Variants in ZNF469 observed in about 807,000 individuals in gnomAD.
The protein encoded by ZNF469 is zinc finger protein 469.
A neutral mutation model predicts 1.0 loss-of-function variants in ZNF469; 1 was observed. That is an observed-to-expected ratio of 1.00 (90% CI 0.35 to 4.73). The LOEUF (loss-of-function observed/expected upper bound fraction) is 4.73, where lower values mean the gene tolerates loss of function less well. ZNF469 is among the 30% of genes most tolerant of loss of function. The pLI, the probability that ZNF469 is intolerant of heterozygous loss-of-function variation, is 0.16. For synonymous variants in ZNF469, 2,703 were observed against 2,363.4 expected (o/e 1.14, Z -4.17); for missense variants, 6,100 against 5,356.3 (o/e 1.14, Z -4.33).
At position 88,434,319 on chromosome 16, in the gene ZNF469, C is replaced by A. The variant is rs1225598299; in HGVS notation, c.6849C>A (p.Val2283=). Residue 2283 remains valine, a synonymous_variant, in exon 3 of 3, where the codon GTC becomes GTA. Transcript: ENST00000565624. The part of the protein sequence containing the change: ...LAGAVSPSVA[V]RATGLSSTPT... The stretch of plus-strand genomic sequence containing the variant: ...GGGCCGTCTCCCCCAGCGTGGCCGT[C>A]AGGGCTACTGGCCTGTCCAGCACTC... 5.8e-6 allele frequency: 9 copies of A among 1,550,230 alleles called. No homozygotes were observed. The highest frequency in any genetic ancestry group is 7.8e-6 in the Non-Finnish European group (9 of 1,146,968).
At chr16:88,257,943 G>A in the ZNF469 span, among the ~76,000 whole-genome samples, 4 of 152,290 alleles carry the variant, frequency 2.6e-5, no homozygotes, top group Admixed American at 6.5e-5. Flanking sequence ...TAGAATGTGC[G>A]TCCAGAAGCT....
At chr16:88,366,530 T>A in the ZNF469 span, among the ~76,000 whole-genome samples, 25 of 139,332 alleles carry the variant, frequency 1.8e-4, no homozygotes, top group East Asian at 1.3e-3. Flanking sequence ...ATCACCATCA[T>A]CATCATCACC....
At chr16:88,319,755 C>T in the ZNF469 span, among the ~76,000 whole-genome samples, 6 of 152,236 alleles carry the variant, frequency 3.9e-5, no homozygotes, top group African/African-American at 1.4e-4. Context: ...GGTCAGGAGC[C>T]GGCCCCCAGG....
the ZNF469 span, among the ~76,000 whole-genome samples, chr16:88,321,604 T>C: frequency 6.6e-6 from 1 of 150,472 alleles, no homozygotes; most frequent in African/African-American, 2.5e-5. Flanking sequence ...ACCTGATTGG[T>C]GTGGCCTCAG....
the ZNF469 span, among the ~76,000 whole-genome samples, chr16:88,256,998 G>T: frequency 1.4e-5 from 2 of 144,628 alleles, no homozygotes; most frequent in Admixed American, 7.3e-5. Context: ...GCCCATGCTG[G>T]ACTGCAGTGG....
At chr16:88,136,369 C>T in the ZNF469 span, among the ~76,000 whole-genome samples, 1 of 152,238 alleles carries the variant, frequency 6.6e-6, no homozygotes, top group Admixed American at 6.5e-5. Flanking sequence ...AAAGCAGAGA[C>T]ATGTTCAAGG....
chr16:88,434,934 C>T lies in ZNF469; in HGVS notation c.7464C>T (p.Ser2488=). ...AASFRSGPGL[S]RHKARKHRPH... is the part of the protein sequence containing the mutation. The stretch of plus-strand genomic sequence containing the variant: ...CCTTCCGCTCCGGGCCGGGCCTGAG[C>T]CGGCACAAGGCCAGGAAGCACCGGC... Residue 2488 remains serine, a synonymous_variant, in exon 3 of 3, where the codon AGC becomes AGT. Transcript: ENST00000565624. 6.5e-7 allele frequency: 1 copy of T among 1,550,120 alleles called. No homozygotes were observed. The highest frequency in any genetic ancestry group is 8.7e-7 in the Non-Finnish European group (1 of 1,146,966).
At chr16:88,179,819 G>C in the ZNF469 span, among the ~76,000 whole-genome samples, 2,486 of 152,346 alleles carry the variant, frequency 0.016, 66 homozygotes, top group South Asian at 0.097. Context: ...GTGTATTGTG[G>C]GGTTTGTAAC....
At chr16:88,381,291 C>T (rs1420349069), upstream of ZNF469, among the ~76,000 whole-genome samples, 1 of 150,838 alleles carries the variant, frequency 6.6e-6, no homozygotes, top group African/African-American at 2.5e-5. Context: ...CACACACGCA[C>T]TCACACACAT....
chr16:88,337,614 C>T, the ZNF469 span, among the ~76,000 whole-genome samples: 1 of 152,206 alleles, frequency 6.6e-6, no homozygotes, highest in Non-Finnish European at 1.5e-5. Context: ...GGCTGCTCCT[C>T]ATTTTGCATC....
the ZNF469 span, among the ~76,000 whole-genome samples, chr16:88,210,999 C>T: frequency 2.0e-5 from 3 of 152,250 alleles, no homozygotes; most frequent in Admixed American, 6.5e-5. Context: ...TCAGGAGAAC[C>T]GATGCCTTCG....
rs1276046567 is a variant in ZNF469 at position 88,434,776 on chromosome 16, G to A, written c.7306G>A (p.Gly2436Arg). 1.9e-6 allele frequency: 3 copies of A among 1,550,214 alleles called. No homozygotes were observed. Among genetic ancestry groups the A allele is most frequent in the Non-Finnish European group, 2.6e-6 (3 of 1,146,960 alleles). ...HRNASHQTPQ[G>R]DPLGPQDLKQ... The stretch of plus-strand genomic sequence containing the variant: ...AAATGCCTCCCACCAGACTCCCCAG[G>A]GGGACCCCCTCGGCCCCCAAGACCT... Residue 2436 changes from glycine (G) to arginine (R), a missense_variant, in exon 3 of 3, where the codon GGG becomes AGG. By Grantham distance (125) the Gly-to-Arg change is moderately radical (BLOSUM62 -2). Transcript: ENST00000565624.
In ZNF469 at chr16:88,430,460, C is replaced by T. The variant is rs1221181077; in HGVS notation, c.2990C>T (p.Pro997Leu). ...CGGCCCCCACCCCGTCCCCGGCGCC[C>T]TAGAACGCAGGCCCCCGGGAGCCGC... The part of the protein sequence containing the change: ...GERPPPRPRR[P>L]RTQAPGSRAD... The change falls in exon 3 of 3, where the codon CCT becomes CTT. Residue 997 changes from proline to leucine, a missense_variant. Transcript: ENST00000565624. 9 of 1,481,410 alleles carry T rather than the reference C, an allele frequency of 6.1e-6. No individual in the cohort carries two copies. The South Asian group carries it at 6.5e-5, about 11-fold the overall frequency. 91.8% of individuals were successfully genotyped at this position (1,481,410 alleles called of 1,614,324 possible).
At chr16:88,391,657 C>T (rs1208226507) in intron 1 of ZNF469, among the ~76,000 whole-genome samples, 2 of 152,168 alleles carry the variant, frequency 1.3e-5, no homozygotes, top group African/African-American at 4.8e-5. Flanking sequence ...CAGGAGGCGG[C>T]GGGGAGCAGT....
chr16:88,185,351 C>T, the ZNF469 span, among the ~76,000 whole-genome samples: 1 of 151,382 alleles, frequency 6.6e-6, no homozygotes, highest in African/African-American at 2.4e-5. Flanking sequence ...ACAATGCATG[C>T]ACACACAAAC....
rs754730500 is a variant in ZNF469 at position 88,433,168 on chromosome 16, C to G, written c.5698C>G (p.Pro1900Ala). Residue 1900 changes from proline (P) to alanine (A), a missense_variant, in exon 3 of 3, where the codon CCC (proline) becomes GCC (alanine). Physicochemically the swap from Pro to Ala is conservative, Grantham distance 27 (BLOSUM62 -1). Coordinates refer to ENST00000565624, the MANE Select transcript of ZNF469 (RefSeq NM_001367624.2). ...SRRSQDPALS[P>A]PIRQLQLPGP... is the part of the protein sequence containing the mutation. ...GAGGTCCCAGGACCCAGCTTTGAGCCCCCCCATACGTCAGCTCCAGCTCCC... is the reference window on the plus strand; with the variant it reads ...GAGGTCCCAGGACCCAGCTTTGAGCGCCCCCATACGTCAGCTCCAGCTCCC... 5.7e-5 allele frequency: 88 copies of G among 1,549,810 alleles called. No individual in the cohort carries two copies. Among genetic ancestry groups the G allele is most frequent in the Admixed American group, 2.7e-4 (14 of 50,984 alleles).
chr16:88,371,205 C>G, the ZNF469 span, among the ~76,000 whole-genome samples: 1 of 152,260 alleles, frequency 6.6e-6, no homozygotes, highest in East Asian at 1.9e-4. Flanking sequence ...TGGCAGCCTC[C>G]TCAGTCTGAG....
chr16:88,101,863 C>T, the ZNF469 span, among the ~76,000 whole-genome samples: 10 of 152,286 alleles, frequency 6.6e-5, no homozygotes, highest in East Asian at 1.9e-3. Context: ...TAGAAGGTTC[C>T]TCCATGACGT....
In ZNF469 at chr16:88,438,467, A is replaced by G. The variant is rs1372410489; in HGVS notation, c.10997A>G (p.His3666Arg). Residue 3666 changes from histidine (H) to arginine (R), a missense_variant, in exon 3 of 3, where the codon CAC (histidine) becomes CGC (arginine). Physicochemically the swap from His to Arg is conservative, Grantham distance 29 (BLOSUM62 0). Coordinates refer to ENST00000565624, the MANE Select transcript of ZNF469 (RefSeq NM_001367624.2). ...GAGGGGGGGCCCCGAGGCGCCTTCC[A>G]CAAGGGCAGCGCCACCAAGCCTGCG... Reference protein sequence around the residue: ...VSEGGPRGAFHKGSATKPAGC... With the variant: ...VSEGGPRGAFRKGSATKPAGC... The G allele has an allele frequency of 5.8e-6, 9 of 1,550,114 alleles. No homozygotes were observed. The South Asian group carries it at 9.5e-5, about 16-fold the overall frequency.
Sources: allele counts gnomAD v4.1 joint callset (sites outside exome capture counted in the v4.1 genomes callset), GRCh38; gene constraint gnomAD v4.1.1; transcripts MANE v1.5; gene names NCBI Gene and HGNC (gene_info 2026-07-23, HGNC 2026-07-21).